Variants in CACNA2D1 observed in about 807,000 individuals in gnomAD.
CACNA2D1 encodes voltage-dependent calcium channel subunit alpha-2/delta-1.
In CACNA2D1, 53 loss-of-function variants were observed where a neutral mutation model predicts 171.5. The observed-to-expected ratio is 0.31, with a 90% CI of 0.25 to 0.39. The LOEUF (loss-of-function observed/expected upper bound fraction) is 0.39, where lower values mean the gene tolerates loss of function less well. Among genes scored for constraint, CACNA2D1 ranks in the 10% least tolerant of loss-of-function variants. The probability of loss-of-function intolerance (pLI) is 1.00; values close to 1 mark genes in which losing one functional copy is unlikely to be tolerated. For synonymous variants in CACNA2D1, 442 were observed against 443.1 expected, an observed-to-expected ratio of 1.00 and a Z score of 0.03; for missense variants, 903 against 1,299.8, an observed-to-expected ratio of 0.69 and a Z score of 4.69.
chr7:82,386,657 C>T (rs1259784146), intron 1 of CACNA2D1, among the ~76,000 whole-genome samples: 3 of 151,768 alleles, frequency 2.0e-5, no homozygotes, highest in Admixed American at 6.6e-5. Flanking sequence ...CACTTGAACT[C>T]GAGAGGCGGA....
intron 21 of CACNA2D1, among the ~76,000 whole-genome samples, chr7:81,986,436 C>A (rs757533016): frequency 3.3e-5 from 5 of 151,778 alleles, no homozygotes; most frequent in African/African-American, 7.3e-5. Context: ...TTAAGCCTCA[C>A]GTAGCCCCAG....
intron 34 of CACNA2D1, 57 bp downstream of exon 34, chr7:81,963,989 CATCAGATGCT>C: frequency 7.6e-7 from 1 of 1,318,414 alleles, no homozygotes; most frequent in Non-Finnish European, 1.1e-6. Context: ...TCCATATTTT[CATCAGATGCT>C]TTTTTATTTT....
chr7:82,440,671 T>C (rs1030249384), intron 1 of CACNA2D1, among the ~76,000 whole-genome samples: 15 of 151,892 alleles, frequency 9.9e-5, no homozygotes, highest in African/African-American at 3.1e-4. Flanking sequence ...TAGAACAGGT[T>C]AACTACTACT....
At chr7:82,404,772 A>G (rs1826835985) in intron 1 of CACNA2D1, among the ~76,000 whole-genome samples, 1 of 152,232 alleles carries the variant, frequency 6.6e-6, no homozygotes, top group Non-Finnish European at 1.5e-5. Flanking sequence ...GTCACTCTGT[A>G]GTCAACAAAA....
chr7:82,184,550 A>G (rs1797473757), intron 3 of CACNA2D1, among the ~76,000 whole-genome samples: 1 of 152,120 alleles, frequency 6.6e-6, no homozygotes, highest in Non-Finnish European at 1.5e-5. Context: ...AGTAACTGAC[A>G]TTATCAAAGA....
chr7:82,087,593 T>A (rs2129014738), intron 6 of CACNA2D1, among the ~76,000 whole-genome samples: 1 of 150,696 alleles, frequency 6.6e-6, no homozygotes, highest in African/African-American at 2.4e-5. Flanking sequence ...AGAAAATATA[T>A]AAAGCATCAA....
At chr7:82,137,239 C>T (rs1444262361) in intron 4 of CACNA2D1, among the ~76,000 whole-genome samples, 1 of 152,128 alleles carries the variant, frequency 6.6e-6, no homozygotes, top group African/African-American at 2.4e-5. Flanking sequence ...GGTGAATTAG[C>T]ATTGGTGTTC....
At chr7:82,185,543 GGGAGGGGGAGGA>G (rs1797641820) in intron 3 of CACNA2D1, among the ~76,000 whole-genome samples, 14 of 41,396 alleles carry the variant, frequency 3.4e-4, no homozygotes, top group East Asian at 9.4e-4. Context: ...GGGGAGGAAG[GGGAGGGGGAGGA>G]GGGGGAGGGG....
At chr7:82,319,505 C>T (rs535718767) in intron 3 of CACNA2D1, among the ~76,000 whole-genome samples, 9 of 152,216 alleles carry the variant, frequency 5.9e-5, no homozygotes, top group African/African-American at 1.7e-4. Context: ...ATTTGAAAAT[C>T]CACATTTTAA....
intron 2 of CACNA2D1, among the ~76,000 whole-genome samples, chr7:82,336,310 C>G (rs943816792): frequency 6.6e-6 from 1 of 152,140 alleles, no homozygotes; most frequent in African/African-American, 2.4e-5. Context: ...TTCAAATGGA[C>G]ACAGATACAT....
intron 3 of CACNA2D1, among the ~76,000 whole-genome samples, chr7:82,303,682 G>C (rs1813338606): frequency 6.6e-6 from 1 of 151,976 alleles, no homozygotes; most frequent in African/African-American, 2.4e-5. Context: ...GTTGAAACTG[G>C]GCCCCTATCT....
In CACNA2D1 at chr7:82,002,904, C is replaced by T. The variant is rs1798751737; in HGVS notation, c.1590+2519G>A. 5.3e-5 allele frequency among the ~76,000 whole-genome samples: 8 copies of T among 151,700 alleles called. No homozygotes were observed. In the South Asian group the frequency reaches 1.7e-3, roughly 32 times the overall value. Reference sequence around the variant, plus strand: ...ACAAAAAAAAAAAGAGGAATACTTGCATAACATTAGACTTTCACCTTGTTA... The same window carrying T: ...ACAAAAAAAAAAAGAGGAATACTTGTATAACATTAGACTTTCACCTTGTTA... On this transcript the variant is annotated intron_variant, in intron 18 of 38. Transcript: ENST00000356860.
chr7:82,336,037 TCA>T (rs1817950188), intron 2 of CACNA2D1, among the ~76,000 whole-genome samples: 1 of 152,080 alleles, frequency 6.6e-6, no homozygotes, highest in African/African-American at 2.4e-5. Flanking sequence ...GGGGAAGCAG[TCA>T]CAGTGTTTGT....
chr7:82,396,480 A>G (rs1279942308), intron 1 of CACNA2D1, among the ~76,000 whole-genome samples: 3 of 152,166 alleles, frequency 2.0e-5, no homozygotes, highest in African/African-American at 7.2e-5. Flanking sequence ...TAAATCACCT[A>G]AGGTTTCTTA....
At chr7:82,032,661 T>A in intron 12 of CACNA2D1, 136 bp downstream of exon 12, 2 of 578,470 alleles carry the variant, frequency 3.5e-6, no homozygotes, top group Non-Finnish European at 6.1e-6. Context: ...GTTTATAATC[T>A]ATGATTCATA....
intron 1 of CACNA2D1, among the ~76,000 whole-genome samples, chr7:82,387,371 T>C (rs1824526668): frequency 6.6e-6 from 1 of 152,198 alleles, no homozygotes; most frequent in Non-Finnish European, 1.5e-5. Flanking sequence ...TTTTCTTGAA[T>C]ACTGTTCTTT....
At chr7:82,352,440 T>G (rs1001000958) in intron 1 of CACNA2D1, among the ~76,000 whole-genome samples, 2 of 152,164 alleles carry the variant, frequency 1.3e-5, no homozygotes, top group African/African-American at 4.8e-5. Flanking sequence ...CAGAAGACAC[T>G]ATAAAATTTG....
intron 2 of CACNA2D1, among the ~76,000 whole-genome samples, chr7:82,341,526 C>A (rs539659521): frequency 6.6e-6 from 1 of 152,282 alleles, no homozygotes; most frequent in Non-Finnish European, 1.5e-5. Context: ...TCTCTTCAAC[C>A]TCTTCCTTCC....
In CACNA2D1 at chr7:81,967,672, T is replaced by A. The variant is rs1562792888; in HGVS notation, c.2396-9A>T. The A allele has an allele frequency of 1.7e-6, 2 of 1,205,242 alleles. No homozygotes were observed. Among genetic ancestry groups the A allele is most frequent in the African/African-American group, 3.0e-5 (2 of 66,486 alleles). 74.7% of individuals were successfully genotyped at this position (1,205,242 alleles called of 1,614,324 possible). Reference sequence around the variant, plus strand: ...AATTTTAATTCCAACAACTGAAAAATTAATTTGAATTAATTCAAAGGTATA... The same window carrying A: ...AATTTTAATTCCAACAACTGAAAAAATAATTTGAATTAATTCAAAGGTATA... On this transcript the variant is annotated splice_polypyrimidine_tract_variant and intron_variant, in intron 29 of 38. Transcript: ENST00000356860.
Sources: gnomAD v4.1 joint callset for allele counts (sites outside exome capture counted in the v4.1 genomes callset) on GRCh38, gnomAD v4.1.1 for gene constraint, MANE v1.5 for transcripts, NCBI Gene and HGNC (gene_info 2026-07-23, HGNC 2026-07-21) for gene names.